COL2A1: variants seen among roughly 807,000 people sequenced by gnomAD.
COL2A1 encodes the protein collagen alpha-1(II) chain.
Under a neutral mutation model 204.5 loss-of-function variants are expected in COL2A1, and 28 were observed. The observed-to-expected ratio is 0.14, with a 90% CI of 0.10 to 0.19. The LOEUF is 0.19. Ranked by LOEUF, COL2A1 falls within the 10% of genes least tolerant of loss-of-function variation. COL2A1 has a pLI of 1.00. For synonymous variants in COL2A1, 708 were observed against 718.7 expected (o/e 0.99, Z 0.24); for missense variants, 1,388 against 2,027.5 (o/e 0.68, Z 6.06).
chr12:48,000,100 A>G lies in COL2A1; in HGVS notation c.111T>C (p.Asp37=), dbSNP rs753375015. The change falls in exon 2 of 54, where the codon GAT becomes GAC. Residue 37 remains aspartate (D), a synonymous_variant. Coordinates refer to ENST00000380518, the MANE Select transcript of COL2A1 (RefSeq NM_001844.5). ...DVQEAGSCVQ[D]GQRYNDKDVW... ...CATCCTTATCATTATACCTCTGCCC[A>G]TCCTGCACACAGCTGCCAGCCTCCT... 6 of 1,613,282 alleles carry G rather than the reference A, an allele frequency of 3.7e-6. No homozygotes were observed. The highest frequency in any genetic ancestry group is 2.2e-5 in the East Asian group (1 of 44,858).
rs1193442202 is a variant in COL2A1, at chr12:47,978,391, T to C, written c.2903A>G (p.Glu968Gly). ...CAGACCCTGGGGACCTGGTGGACCT[T>C]CGGCACCCTGAGAGAGGAGAGGCAG... ...EPGDDGPSGA[E>G]GPPGPQGLAG... Residue 968 changes from glutamate (E) to glycine (G), a missense_variant, in exon 43 of 54, where the codon GAA (glutamate) becomes GGA (glycine). Physicochemically the swap from Glu to Gly is moderately conservative, Grantham distance 98. This residue lies in a region of COL2A1 where 884 missense variants were observed against 1,415.8 expected (regional missense o/e 0.62). Coordinates refer to ENST00000380518, the MANE Select transcript of COL2A1 (RefSeq NM_001844.5). This position sits in a 1 kb window ranked among gnomAD's most constrained non-coding sequence, Gnocchi z 5.5. 1 of 1,613,916 alleles carries C rather than the reference T, an allele frequency of 6.2e-7. No homozygotes were observed. Among genetic ancestry groups the C allele is most frequent in the Admixed American group, 1.7e-5 (1 of 60,020 alleles).
rs1311019852 is a variant in COL2A1, at chr12:47,978,213, C to A, written c.3003+78G>T. Reference sequence around the variant, plus strand: ...AGGGAGAGGGCAGACAAGGGACAGTCCTGAGGGTGCTGAGGGAGGTAGAAG... The same window carrying A: ...AGGGAGAGGGCAGACAAGGGACAGTACTGAGGGTGCTGAGGGAGGTAGAAG... On this transcript the variant is annotated intron_variant, in intron 43 of 53. Transcript: ENST00000380518. This position sits in a 1 kb window ranked among gnomAD's most constrained non-coding sequence, Gnocchi z 5.5. The A allele has an allele frequency of 1.9e-6, 3 of 1,588,274 alleles. No homozygotes were observed. The highest frequency in any genetic ancestry group is 2.7e-5 in the African/African-American group (2 of 74,214).
chr12:47,996,721 A>C (rs1939982652), intron 7 of COL2A1, 96 bp from the exon 8 acceptor site: 1 of 950,512 alleles, frequency 1.1e-6, no homozygotes, highest in African/African-American at 1.6e-5. Flanking sequence ...AACTCTACTG[A>C]GATAAACTCT....
In COL2A1 at chr12:47,980,531, T is replaced by C. The variant is rs1401866378; in HGVS notation, c.2625+23A>G. On this transcript the variant is annotated intron_variant, in intron 39 of 53. Coordinates refer to ENST00000380518, the MANE Select transcript of COL2A1 (RefSeq NM_001844.5). The surrounding 1 kb of genome is among the most constrained non-coding windows in gnomAD (Gnocchi z 4.5). Reference sequence around the variant, plus strand: ...AGGAGCCCTTCCTTGAGGGAACAATTCTTGGAGTGCAGCGTTACCCACCTG... The same window carrying C: ...AGGAGCCCTTCCTTGAGGGAACAATCCTTGGAGTGCAGCGTTACCCACCTG... 1.9e-6 allele frequency: 3 copies of C among 1,573,716 alleles called. No homozygotes were observed. The highest frequency in any genetic ancestry group is 2.6e-6 in the Non-Finnish European group (3 of 1,155,748).
At chr12:47,993,350 T>G in intron 15 of COL2A1, 108 bp downstream of exon 15, 8 of 917,318 alleles carry the variant, frequency 8.7e-6, no homozygotes, top group East Asian at 2.4e-5. Flanking sequence ...CACAATCAGA[T>G]GAAATCTACA....
chr12:47,984,029 C>T, intron 29 of COL2A1, 58 bp downstream of exon 29: 10 of 1,480,328 alleles, frequency 6.8e-6, no homozygotes, highest in African/African-American at 1.4e-5. Context: ...CTCTCCCACC[C>T]CCACCCCTCC....
At position 47,976,121 on chromosome 12, in the gene COL2A1, G is replaced by A; in HGVS notation, c.3490-51C>T. ...AAGAGTGGTCACCACAGGGAAGGCTGGGGAGTCGCTGGGGCTGGGTAGGTG... is the reference window on the plus strand; with the variant it reads ...AAGAGTGGTCACCACAGGGAAGGCTAGGGAGTCGCTGGGGCTGGGTAGGTG... On this transcript the variant is annotated intron_variant, in intron 49 of 53. Coordinates refer to ENST00000380518, the MANE Select transcript of COL2A1 (RefSeq NM_001844.5). This position sits in a 1 kb window ranked among gnomAD's most constrained non-coding sequence, Gnocchi z 4.3. 8 of 1,379,300 alleles carry A rather than the reference G, an allele frequency of 5.8e-6. No individual in the cohort carries two copies. Among genetic ancestry groups the A allele is most frequent in the Non-Finnish European group, 8.3e-6 (8 of 966,116 alleles). 85.4% of individuals were successfully genotyped at this position (1,379,300 alleles called of 1,614,324 possible).
chr12:47,998,004 C>A (rs377296734), intron 5 of COL2A1, 28 bp downstream of exon 5: 2 of 1,614,144 alleles, frequency 1.2e-6, no homozygotes, highest in Non-Finnish European at 1.7e-6. Context: ...GAGGAAGGGA[C>A]GGAGAAAGAG....
intron 23 of COL2A1, 134 bp from the exon 24 acceptor site, chr12:47,986,099 G>T: frequency 1.1e-6 from 1 of 927,888 alleles, no homozygotes; most frequent in Non-Finnish European, 1.7e-6. Flanking sequence ...GATTCTCAGA[G>T]GTTAACTTCT....
chr12:47,978,211 G>T lies in COL2A1; in HGVS notation c.3003+80C>A. ...TCAGGGAGAGGGCAGACAAGGGACAGTCCTGAGGGTGCTGAGGGAGGTAGA... is the reference window on the plus strand; with the variant it reads ...TCAGGGAGAGGGCAGACAAGGGACATTCCTGAGGGTGCTGAGGGAGGTAGA... On this transcript the variant is annotated intron_variant, in intron 43 of 53. Transcript: ENST00000380518. This position sits in a 1 kb window ranked among gnomAD's most constrained non-coding sequence, Gnocchi z 5.5. 1 of 1,585,654 alleles carries T rather than the reference G, an allele frequency of 6.3e-7. No individual in the cohort carries two copies. The highest frequency in any genetic ancestry group is 8.6e-7 in the Non-Finnish European group (1 of 1,159,804).
At chr12:47,974,573 G>T in intron 52 of COL2A1, 102 bp downstream of exon 52, 1 of 1,402,478 alleles carries the variant, frequency 7.1e-7, no homozygotes. Context: ...ACAGAAAACT[G>T]GAGGAAAATA....
Position 47,983,669 on chromosome 12 carries a change from G to C in COL2A1, c.1995+14C>G. The C allele has an allele frequency of 1.3e-6, 2 of 1,594,554 alleles. No homozygotes were observed. Among genetic ancestry groups the C allele is most frequent in the African/African-American group, 2.7e-5 (2 of 74,710 alleles). On this transcript the variant is annotated intron_variant, in intron 30 of 53. Transcript: ENST00000380518. ...GGCAAAGGACTGCACAGAGAGCCTG[G>C]TCCAGCCACCTACCTGGAACCCAGA...
rs41272753 is a variant in COL2A1, at chr12:47,977,205, G to A, written c.3274-50C>T. Reference sequence around the variant, plus strand: ...CAGAGAAAAGCCAGGACAGGTGGGGGCCTCCTCTGCATCTGAGGCCACTGC... The same window carrying A: ...CAGAGAAAAGCCAGGACAGGTGGGGACCTCCTCTGCATCTGAGGCCACTGC... On this transcript the variant is annotated intron_variant, in intron 46 of 53. Coordinates refer to ENST00000380518, the MANE Select transcript of COL2A1 (RefSeq NM_001844.5). 990 of 1,603,122 alleles carry A rather than the reference G, an allele frequency of 6.2e-4. 5 individuals carry two copies. In the African/African-American group the frequency reaches 0.012, roughly 19 times the overall value.
chr12:47,983,281 C>T, intron 31 of COL2A1, 104 bp downstream of exon 31: 1 of 1,479,818 alleles, frequency 6.8e-7, no homozygotes. Flanking sequence ...AGGACATTCC[C>T]AGGCCTCACA....
At chr12:47,994,611 A>G (rs1939863493) in intron 11 of COL2A1, 134 bp from the exon 12 acceptor site, 6 of 886,144 alleles carry the variant, frequency 6.8e-6, no homozygotes, top group African/African-American at 1.7e-5. Context: ...CACCTCCTTC[A>G]GACTCCACGT....
In COL2A1 at chr12:47,998,931, T is replaced by A. The variant is rs570990111; in HGVS notation, c.293-500A>T. ...ATGAGTTATGAAGAGCATCGGAGCA[T>A]CATAGCCTGTGCCATCCCCAGTCAA... On this transcript the variant is annotated intron_variant, in intron 2 of 53. Transcript: ENST00000380518. 8.0e-5 allele frequency: 13 copies of A among 162,492 alleles called. No homozygotes were observed. The South Asian group carries it at 2.2e-3, about 28-fold the overall frequency. The allele number at this position is 162,492 out of a possible 1,614,324, so 10.1% of individuals were successfully genotyped here.
At chr12:47,982,978 A>G (rs760584618) in intron 32 of COL2A1, 32 bp from the exon 33 acceptor site, 1 of 1,610,382 alleles carries the variant, frequency 6.2e-7, no homozygotes, top group Non-Finnish European at 8.5e-7. Context: ...GTGATCAACC[A>G]ACAGCAGTGG....
Position 48,000,172 on chromosome 12 carries a change from G to C in COL2A1, c.86-47C>G, listed in dbSNP as rs372890374. 112 of 1,336,950 alleles carry C rather than the reference G, an allele frequency of 8.4e-5. 7 individuals carry two copies. The highest frequency in any genetic ancestry group is 4.3e-4 in the East Asian group (18 of 42,328). The allele number at this position is 1,336,950 out of a possible 1,614,324, so 82.8% of individuals were successfully genotyped here. A position where few individuals can be genotyped will look rare whatever the true frequency, so the allele number is the denominator to read the frequency against. The stretch of plus-strand genomic sequence containing the variant: ...AGAAGCAGAGAGCCAAGGGAAGGAG[G>C]GGGTGGGGAGCCAGAGAGAAAAAGA... On this transcript the variant is annotated intron_variant, in intron 1 of 53. Transcript: ENST00000380518.
chr12:48,004,811 C>T (rs1264010329), upstream of COL2A1, among the ~76,000 whole-genome samples: 1 of 152,202 alleles, frequency 6.6e-6, no homozygotes, highest in Non-Finnish European at 1.5e-5. Context: ...CCTCGGAGTT[C>T]TGCCGGAGTT....
Sources: gnomAD v4.1 joint callset for allele counts (sites outside exome capture counted in the v4.1 genomes callset) on GRCh38, gnomAD v4.1.1 for gene constraint, gnomAD v4.1.1 regional missense constraint, Gnocchi (gnomAD v3.1) non-coding constraint, MANE v1.5 for transcripts, NCBI Gene and HGNC (gene_info 2026-07-23, HGNC 2026-07-21) for gene names.